The following SMCHD1 variants were observed in gnomAD, a reference collection of about 807,000 sequenced individuals.
SMCHD1 encodes structural maintenance of chromosomes flexible hinge domain containing 1, also known as structural maintenance of chromosomes flexible hinge domain-containing protein 1.
SMCHD1 carries 78 observed loss-of-function variants against 254.7 expected under a neutral mutation model. That is an observed-to-expected ratio of 0.31 (90% confidence interval 0.26 to 0.37). The LOEUF (loss-of-function observed/expected upper bound fraction) is 0.37, where lower values mean the gene tolerates loss of function less well. SMCHD1 is among the 10% of genes least tolerant of loss of function. The pLI is 1.00. For missense variants in SMCHD1, 1,840 were observed against 2,408.1 expected (o/e 0.76, Z 4.94); for synonymous variants, 766 against 794.9 (o/e 0.96, Z 0.61).
intron 5 of SMCHD1, among the ~76,000 whole-genome samples, chr18:2,675,189 A>G (rs2073712835): frequency 2.0e-5 from 3 of 151,558 alleles, no homozygotes; most frequent in Non-Finnish European, 2.9e-5. Context: ...AGCCTCGCAT[A>G]TGGTAAACAG....
At chr18:2,656,383 C>A in intron 1 of SMCHD1, 122 bp downstream of exon 1, 1 of 940,692 alleles carries the variant, frequency 1.1e-6, no homozygotes, top group Non-Finnish European at 1.4e-6. Flanking sequence ...GCGGCCTTGG[C>A]TTCCCTCTCC....
intron 37 of SMCHD1, chr18:2,764,076 TATG>T: frequency 4.2e-6 from 1 of 235,998 alleles, no homozygotes; most frequent in Non-Finnish European, 8.1e-6. Context: ...AAGCTGCCGT[TATG>T]TGGATAGAAA....
intron 13 of SMCHD1, 121 bp downstream of exon 13, chr18:2,704,007 C>A: frequency 1.4e-6 from 1 of 710,642 alleles, no homozygotes; most frequent in South Asian, 3.2e-5. Flanking sequence ...CCCATTCTCA[C>A]ATTTCATGAA....
chr18:2,673,934 C>G (rs1473749680), intron 4 of SMCHD1, 81 bp from the exon 5 acceptor site: 2 of 1,385,228 alleles, frequency 1.4e-6, no homozygotes, highest in Non-Finnish European at 2.0e-6. Flanking sequence ...CCTGTTGAAT[C>G]ATTTTTTTCA....
intron 1 of SMCHD1, among the ~76,000 whole-genome samples, chr18:2,663,746 G>T (rs528668027): frequency 1.3e-5 from 2 of 149,364 alleles, no homozygotes; most frequent in African/African-American, 5.1e-5. Flanking sequence ...ACGGAGTCTC[G>T]CTCTGTCGCC....
Position 2,784,332 on chromosome 18 carries a change from T to A in SMCHD1, c.5548-118T>A, listed in dbSNP as rs1049519338. The A allele has an allele frequency of 9.3e-6, 8 of 864,776 alleles. No homozygotes were observed. In the African/African-American group the frequency reaches 1.4e-4, roughly 15 times the overall value. 53.6% of individuals were successfully genotyped at this position (864,776 alleles called of 1,614,324 possible). A position where few individuals can be genotyped will look rare whatever the true frequency, so the allele number is the denominator to read the frequency against. ...CTTACATATTGCTAGTTACTAAGTT[T>A]TTGAAAATACTACTGTGATCCTGTC... On this transcript the variant is annotated intron_variant, in intron 44 of 47. Coordinates refer to ENST00000320876, the MANE Select transcript of SMCHD1 (RefSeq NM_015295.3).
chr18:2,758,294 T>C, intron 34 of SMCHD1, among the ~76,000 whole-genome samples: 1 of 152,216 alleles, frequency 6.6e-6, no homozygotes, highest in East Asian at 1.9e-4. Flanking sequence ...AATCTTTCAC[T>C]GTTCTCTAAG....
intron 45 of SMCHD1, among the ~76,000 whole-genome samples, chr18:2,792,524 G>A (rs780448553): frequency 2.6e-5 from 4 of 152,144 alleles, no homozygotes; most frequent in Non-Finnish European, 4.4e-5. Flanking sequence ...ATCCACTGGG[G>A]GTTTCAGACA....
intron 10 of SMCHD1, among the ~76,000 whole-genome samples, chr18:2,700,208 G>A (rs753994596): frequency 2.6e-5 from 4 of 152,196 alleles, no homozygotes; most frequent in Non-Finnish European, 4.4e-5. Flanking sequence ...TTAGATACGG[G>A]ATTTAAGCTC....
At chr18:2,720,080 G>A (rs1451284274) in intron 19 of SMCHD1, among the ~76,000 whole-genome samples, 1 of 152,156 alleles carries the variant, frequency 6.6e-6, no homozygotes, top group African/African-American at 2.4e-5. Flanking sequence ...TCCTGCCTCG[G>A]CCTCCCAAAG....
chr18:2,755,665 T>G (rs2075663031), intron 34 of SMCHD1, among the ~76,000 whole-genome samples: 1 of 150,758 alleles, frequency 6.6e-6, no homozygotes, highest in African/African-American at 2.4e-5. Flanking sequence ...CCTCCCGGGT[T>G]CATGCCATTC....
chr18:2,679,522 T>C (rs2073875984), intron 5 of SMCHD1, among the ~76,000 whole-genome samples: 2 of 146,744 alleles, frequency 1.4e-5, no homozygotes, highest in South Asian at 2.2e-4. Flanking sequence ...TGACAGTCTT[T>C]TGTCTTTCAA....
At chr18:2,719,391 G>T (rs2074875123) in intron 19 of SMCHD1, among the ~76,000 whole-genome samples, 1 of 151,374 alleles carries the variant, frequency 6.6e-6, no homozygotes, top group African/African-American at 2.4e-5. Context: ...TGCCTCCCAG[G>T]TTCAAGCGAT....
At chr18:2,712,152 G>A (rs773709077) in intron 17 of SMCHD1, among the ~76,000 whole-genome samples, 15 of 151,882 alleles carry the variant, frequency 9.9e-5, no homozygotes, top group Non-Finnish European at 2.2e-4. Context: ...AAATTGTGCT[G>A]AATTTGGCTT....
rs1338984565 is a variant in SMCHD1, at chr18:2,666,178, G to T, written c.208G>T (p.Glu70Ter). The T allele has an allele frequency of 6.4e-7, 1 of 1,551,430 alleles. No individual in the cohort carries two copies. The highest frequency in any genetic ancestry group is 1.4e-5 in the African/African-American group (1 of 73,778). The change falls in exon 2 of 48, where the codon GAA (glutamate) becomes TAA (stop). Residue 70 changes from glutamate (E) to a stop codon, truncating the protein, a stop_gained. Coordinates refer to ENST00000320876, the MANE Select transcript of SMCHD1 (RefSeq NM_015295.3). LOFTEE classifies it high-confidence loss of function. ...VCQTLGISPE[E>*]KFVITTTSRK... Reference sequence around the variant, plus strand: ...ATAGACACTTGGCATTTCACCTGAAGAAAAATTTGTTATTACAACAACAAG... The same window carrying T: ...ATAGACACTTGGCATTTCACCTGAATAAAAATTTGTTATTACAACAACAAG...
rs78534997 is a variant in SMCHD1 at position 2,694,185 on chromosome 18, G to A, written c.874-342G>A. ...TAAGTGGTAGGTCTCCCAAGCAAGC[G>A]TTCATTCTACCCTAGGGGTAAGTGT... On this transcript the variant is annotated intron_variant, in intron 7 of 47. Coordinates refer to ENST00000320876, the MANE Select transcript of SMCHD1 (RefSeq NM_015295.3). 4.3e-4 allele frequency among the ~76,000 whole-genome samples: 65 copies of A among 152,304 alleles called. 1 individual carries two copies. The East Asian group carries it at 0.01, about 24-fold the overall frequency.
At chr18:2,780,705 A>G (rs888825120) in intron 44 of SMCHD1, among the ~76,000 whole-genome samples, 25 of 152,218 alleles carry the variant, frequency 1.6e-4, no homozygotes, top group Admixed American at 6.5e-4. Flanking sequence ...GCTTTTGCCA[A>G]TTTCTATGGT....
intron 3 of SMCHD1, among the ~76,000 whole-genome samples, chr18:2,669,107 A>T (rs532561156): frequency 6.6e-6 from 1 of 152,040 alleles, no homozygotes; most frequent in South Asian, 2.1e-4. Flanking sequence ...GCACTTTGAG[A>T]GTCTGAGGCA....
At chr18:2,688,096 A>AT (rs2074092799) in intron 5 of SMCHD1, among the ~76,000 whole-genome samples, 1 of 152,368 alleles carries the variant, frequency 6.6e-6, no homozygotes, top group East Asian at 1.9e-4. Flanking sequence ...TTTTAGAGGC[A>AT]TGAGGATAAT....
Sources: allele counts gnomAD v4.1 joint callset (sites outside exome capture counted in the v4.1 genomes callset), GRCh38; gene constraint gnomAD v4.1.1; transcripts MANE v1.5; gene names NCBI Gene and HGNC (gene_info 2026-07-23, HGNC 2026-07-21).